CDH12: variants seen among roughly 807,000 people sequenced by gnomAD.
CDH12 encodes the protein cadherin-12.
CDH12 carries 41 observed loss-of-function variants against 74.1 expected under a neutral mutation model. The ratio of observed to expected loss-of-function variants is 0.55; its 90% CI spans 0.43 to 0.72. CDH12 has a LOEUF of 0.72. Ranked by LOEUF, CDH12 falls within the 30% of genes least tolerant of loss-of-function variation. The probability of loss-of-function intolerance (pLI) is 0.00; values close to 1 mark genes in which losing one functional copy is unlikely to be tolerated. For missense variants in CDH12, 945 were observed against 977.2 expected (o/e 0.97, Z 0.44); for synonymous variants, 399 against 355.0 (o/e 1.12, Z -1.39).
intron 5 of CDH12, among the ~76,000 whole-genome samples, chr5:22,019,832 T>C (rs577157838): frequency 3.9e-4 from 59 of 152,290 alleles, no homozygotes; most frequent in African/African-American, 1.3e-3. Context: ...TTGAGCTCAC[T>C]GATGAGAGGA....
intron 2 of CDH12, among the ~76,000 whole-genome samples, chr5:22,436,467 CA>C (rs1744399509): frequency 6.6e-6 from 1 of 151,004 alleles, no homozygotes; most frequent in South Asian, 2.1e-4. Flanking sequence ...AAAGCAAAAT[CA>C]AGAATAAAGT....
At chr5:22,004,351 G>T (rs2150146666) in intron 5 of CDH12, among the ~76,000 whole-genome samples, 1 of 152,314 alleles carries the variant, frequency 6.6e-6, no homozygotes, top group South Asian at 2.1e-4. Flanking sequence ...GAGGGGACTA[G>T]TGTACATTGT....
chr5:22,486,364 G>A (rs541401550), intron 2 of CDH12, among the ~76,000 whole-genome samples: 1 of 151,758 alleles, frequency 6.6e-6, no homozygotes, highest in East Asian at 1.9e-4. Context: ...AACTCATCTT[G>A]TGATAATCTA....
chr5:22,412,463 A>C (rs1743204983), intron 2 of CDH12, among the ~76,000 whole-genome samples: 1 of 151,952 alleles, frequency 6.6e-6, no homozygotes, highest in Non-Finnish European at 1.5e-5. Context: ...AAAATGGTGA[A>C]TAAAAACCCA....
At chr5:22,344,716 A>C (rs545971802) in intron 3 of CDH12, among the ~76,000 whole-genome samples, 1 of 152,338 alleles carries the variant, frequency 6.6e-6, no homozygotes, top group African/African-American at 2.4e-5. Flanking sequence ...AAAGCATGAA[A>C]GCAATATGTA....
intron 1 of CDH12, among the ~76,000 whole-genome samples, chr5:22,851,544 CCT>C (rs1289728108): frequency 6.6e-6 from 1 of 152,046 alleles, no homozygotes; most frequent in Non-Finnish European, 1.5e-5. Context: ...TAATTGAAAA[CCT>C]CTTTTTACTT....
chr5:22,413,537 T>A (rs369427536), intron 2 of CDH12, among the ~76,000 whole-genome samples: 1 of 151,998 alleles, frequency 6.6e-6, no homozygotes, highest in East Asian at 1.9e-4. Context: ...AGTAAAATTA[T>A]ATTGCTTTGA....
At chr5:22,361,050 A>G (rs1416386916) in intron 3 of CDH12, among the ~76,000 whole-genome samples, 1 of 152,180 alleles carries the variant, frequency 6.6e-6, no homozygotes, top group African/African-American at 2.4e-5. Flanking sequence ...CACCACTCCT[A>G]TTCAACATAG....
At chr5:21,785,862 A>G (rs1746168377) in intron 10 of CDH12, among the ~76,000 whole-genome samples, 1 of 152,222 alleles carries the variant, frequency 6.6e-6, no homozygotes, top group Non-Finnish European at 1.5e-5. Flanking sequence ...GAAGGTGGCT[A>G]CACTAAACAA....
At chr5:21,969,467 A>G (rs558003281) in intron 6 of CDH12, among the ~76,000 whole-genome samples, 2 of 152,230 alleles carry the variant, frequency 1.3e-5, no homozygotes, top group East Asian at 3.9e-4. Context: ...GGCTTCAATC[A>G]GAGGGTTTTC....
chr5:22,841,904 T>A (rs1737097539), intron 1 of CDH12, among the ~76,000 whole-genome samples: 1 of 152,036 alleles, frequency 6.6e-6, no homozygotes, highest in East Asian at 1.9e-4. Flanking sequence ...AGATGGCAGG[T>A]GAAAAGAAAG....
intron 2 of CDH12, among the ~76,000 whole-genome samples, chr5:22,430,766 G>A (rs1744137163): frequency 6.6e-6 from 1 of 152,104 alleles, no homozygotes; most frequent in African/African-American, 2.4e-5. Context: ...TAATGGAACA[G>A]CCAGTGATGA....
chr5:21,872,748 G>C (rs1220089340), intron 6 of CDH12, among the ~76,000 whole-genome samples: 1 of 151,950 alleles, frequency 6.6e-6, no homozygotes, highest in African/African-American at 2.4e-5. Flanking sequence ...TATTTATTTT[G>C]ATTTGATCAG....
At chr5:22,035,676 G>A (rs1273440309) in intron 5 of CDH12, among the ~76,000 whole-genome samples, 1 of 149,084 alleles carries the variant, frequency 6.7e-6, no homozygotes, top group Non-Finnish European at 1.5e-5. Flanking sequence ...AAACTTTTAT[G>A]AAGAGGTTTA....
At chr5:22,776,981 AAG>A (rs1346896532) in intron 1 of CDH12, among the ~76,000 whole-genome samples, 1 of 152,176 alleles carries the variant, frequency 6.6e-6, no homozygotes, top group African/African-American at 2.4e-5. Context: ...AAAAATGTTG[AAG>A]AGTTATTGTC....
intron 6 of CDH12, among the ~76,000 whole-genome samples, chr5:21,871,620 C>T (rs765201041): frequency 5.3e-5 from 8 of 152,088 alleles, no homozygotes; most frequent in Non-Finnish European, 1.0e-4. Context: ...GTAATCCCAC[C>T]TACTCGGGAG....
chr5:22,125,426 C>CA (rs1745794831), intron 4 of CDH12, among the ~76,000 whole-genome samples: 1 of 152,120 alleles, frequency 6.6e-6, no homozygotes, highest in Admixed American at 6.6e-5. Flanking sequence ...CATGTCCCTG[C>CA]AAAAGACATT....
chr5:22,291,676 AC>A (rs1737393091), intron 3 of CDH12, among the ~76,000 whole-genome samples: 1 of 152,154 alleles, frequency 6.6e-6, no homozygotes, highest in Non-Finnish European at 1.5e-5. Flanking sequence ...AAACTACAAA[AC>A]ACTGATTAAA....
At chr5:22,797,313 C>A (rs1224861178) in intron 1 of CDH12, among the ~76,000 whole-genome samples, 3 of 152,004 alleles carry the variant, frequency 2.0e-5, no homozygotes, top group African/African-American at 4.8e-5. Flanking sequence ...GCTGACAGCA[C>A]CTTGGACTGC....
Sources: allele counts gnomAD v4.1 joint callset (sites outside exome capture counted in the v4.1 genomes callset), GRCh38; gene constraint gnomAD v4.1.1; transcripts MANE v1.5; gene names NCBI Gene and HGNC (gene_info 2026-07-23, HGNC 2026-07-21).